The following KMT2C variants were observed in gnomAD, a reference collection of about 807,000 sequenced individuals.
The protein encoded by KMT2C is lysine methyltransferase 2C.
A neutral mutation model predicts 507.9 loss-of-function variants in KMT2C; 88 were observed. That is an observed-to-expected ratio of 0.17 (90% confidence interval 0.15 to 0.21). KMT2C has a LOEUF of 0.21. Ranked by LOEUF, KMT2C falls within the 10% of genes least tolerant of loss-of-function variation. KMT2C has a pLI of 1.00. For missense variants in KMT2C, 4,954 were observed against 5,957.8 expected (o/e 0.83, Z 5.55); for synonymous variants, 2,049 against 2,080.8 (o/e 0.98, Z 0.42).
At chr7:152,420,850 A>C (rs2097773270) in intron 1 of KMT2C, among the ~76,000 whole-genome samples, 1 of 151,878 alleles carries the variant, frequency 6.6e-6, no homozygotes, top group Non-Finnish European at 1.5e-5. Flanking sequence ...AAAAGGCCTA[A>C]TATACAGAAT....
In KMT2C at chr7:152,139,658, G is replaced by C. The variant is rs776127647; in HGVS notation, c.14460+17C>G. On this transcript the variant is annotated intron_variant, in intron 56 of 58. Transcript: ENST00000262189. The stretch of plus-strand genomic sequence containing the variant: ...ATGATGGTGCTGTGTATACAATCTC[G>C]GGGACCAGACACCTACCTGAGACTC... 6.5e-7 allele frequency: 1 copy of C among 1,527,564 alleles called. No individual in the cohort carries two copies. Among genetic ancestry groups the C allele is most frequent in the Non-Finnish European group, 9.1e-7 (1 of 1,101,086 alleles). The allele number at this position is 1,527,564 out of a possible 1,614,324, so 94.6% of individuals were successfully genotyped here. A position where few individuals can be genotyped will look rare whatever the true frequency, so the allele number is the denominator to read the frequency against.
intron 3 of KMT2C, among the ~76,000 whole-genome samples, chr7:152,330,169 TGG>T (rs376494504): frequency 4.6e-3 from 189 of 41,052 alleles, no homozygotes; most frequent in African/African-American, 0.021. Context: ...GGAGGGGTGG[TGG>T]GGGGGGGGAG....
At chr7:152,172,994 C>T (rs550867613) in intron 39 of KMT2C, among the ~76,000 whole-genome samples, 281 of 152,174 alleles carry the variant, frequency 1.8e-3, no homozygotes, top group Middle Eastern at 3.4e-3. Flanking sequence ...AAATTTTCTG[C>T]ATATAAAACA....
chr7:152,175,348 A>G (rs907046949), intron 38 of KMT2C, among the ~76,000 whole-genome samples: 8 of 151,758 alleles, frequency 5.3e-5, no homozygotes, highest in African/African-American at 1.9e-4. Flanking sequence ...TATACTTTAA[A>G]TTCTGGGATA....
intron 7 of KMT2C, among the ~76,000 whole-genome samples, chr7:152,266,508 G>T (rs2095860576): frequency 6.6e-6 from 1 of 152,036 alleles, no homozygotes; most frequent in African/African-American, 2.4e-5. Context: ...ACCTCCCAAA[G>T]TGCTGGGATT....
At chr7:152,355,273 G>T (rs2097142799) in intron 2 of KMT2C, among the ~76,000 whole-genome samples, 1 of 152,080 alleles carries the variant, frequency 6.6e-6, no homozygotes, top group Non-Finnish European at 1.5e-5. Flanking sequence ...TGGAAGAGAG[G>T]GTTTCAGGAT....
chr7:152,175,211 T>C, intron 38 of KMT2C, among the ~76,000 whole-genome samples: 1 of 151,564 alleles, frequency 6.6e-6, no homozygotes, highest in East Asian at 1.9e-4. Flanking sequence ...AATGGTGCGA[T>C]CTCGCCTCAC....
intron 6 of KMT2C, among the ~76,000 whole-genome samples, chr7:152,279,656 T>C (rs920402104): frequency 5.3e-5 from 8 of 152,206 alleles, no homozygotes; most frequent in African/African-American, 1.7e-4. Context: ...CTAGTTGGCA[T>C]ACTATTAAAC....
rs376234163 is a variant in KMT2C, at chr7:152,347,414, C to T, written c.250+11173G>A. On this transcript the variant is annotated intron_variant, in intron 2 of 58. Coordinates refer to ENST00000262189, the MANE Select transcript of KMT2C (RefSeq NM_170606.3). The stretch of plus-strand genomic sequence containing the variant: ...ACTGCACTGAACATGGTGAAAGATA[C>T]ATGAGAAGCGCCAGATCACTTTTTA... Among the ~76,000 whole-genome samples, 63 of 152,306 alleles carry T rather than the reference C, an allele frequency of 4.1e-4. 1 individual carries two copies. The highest frequency in any genetic ancestry group is 1.5e-3 in the African/African-American group (61 of 41,568).
chr7:152,181,208 A>G lies in KMT2C; in HGVS notation c.6652T>C (p.Tyr2218His), dbSNP rs780054902. The G allele has an allele frequency of 1.9e-6, 3 of 1,614,028 alleles. No individual in the cohort carries two copies. The highest frequency in any genetic ancestry group is 1.3e-5 in the African/African-American group (1 of 74,920). Residue 2218 changes from tyrosine to histidine, a missense_variant, in exon 36 of 59, where the codon TAC becomes CAC. Physicochemically the swap from Tyr to His is moderately conservative, Grantham distance 83. Around this residue, in one of 29 missense-constraint regions of KMT2C, gnomAD observed 1,689 missense variants for 1,654.3 expected, o/e 1.02. Coordinates refer to ENST00000262189, the MANE Select transcript of KMT2C (RefSeq NM_170606.3). ...CTTGGTGTTGCTGGTGGCTGAGAGT[A>G]AGGGACAGAAATTCCAGGTCTTGGT... ...GTPRPGISVP[Y>H]SQPPATPRPR...
chr7:152,281,854 C>T (rs1285128161), intron 6 of KMT2C, among the ~76,000 whole-genome samples: 1 of 151,982 alleles, frequency 6.6e-6, no homozygotes, highest in African/African-American at 2.4e-5. Context: ...CTTGTTCAAG[C>T]CCAATGAGTC....
rs556919402 is a variant in KMT2C at position 152,188,491 on chromosome 7, G to C, written c.4661-644C>G. 3.4e-5 allele frequency among the ~76,000 whole-genome samples: 5 copies of C among 146,482 alleles called. No individual in the cohort carries two copies. In the East Asian group the frequency reaches 6.2e-4, roughly 18 times the overall value. On this transcript the variant is annotated intron_variant, in intron 31 of 58. Transcript: ENST00000262189. ...CACTAATGAATCACAGCAAATGCTA[G>C]TAAGTTTTATCAAATATTCTTTCTC...
intron 1 of KMT2C, among the ~76,000 whole-genome samples, chr7:152,374,941 C>T (rs1401888896): frequency 6.6e-6 from 1 of 150,944 alleles, no homozygotes; most frequent in Non-Finnish European, 1.5e-5. Context: ...CATGCAAAAT[C>T]AATTTTTCAG....
intron 24 of KMT2C, among the ~76,000 whole-genome samples, chr7:152,206,273 T>C (rs2094306632): frequency 6.6e-6 from 1 of 151,734 alleles, no homozygotes; most frequent in East Asian, 1.9e-4. Context: ...TTGACTTCCA[T>C]GTGAGGCAGA....
chr7:152,174,611 T>C (rs2093113610), intron 38 of KMT2C, among the ~76,000 whole-genome samples: 1 of 152,214 alleles, frequency 6.6e-6, no homozygotes, highest in South Asian at 2.1e-4. Flanking sequence ...AAATTAGTTA[T>C]CACTCTTAAA....
At chr7:152,369,494 A>T (rs756645054) in intron 1 of KMT2C, among the ~76,000 whole-genome samples, 1 of 152,206 alleles carries the variant, frequency 6.6e-6, no homozygotes, top group African/African-American at 2.4e-5. Flanking sequence ...TATGGTTTGA[A>T]TATCATTTGT....
intron 18 of KMT2C, among the ~76,000 whole-genome samples, chr7:152,225,249 T>C (rs2094891659): frequency 6.6e-6 from 1 of 152,120 alleles, no homozygotes; most frequent in Non-Finnish European, 1.5e-5. Context: ...CTTAAAGATC[T>C]CAAAAGACTA....
chr7:152,300,021 T>C (rs1455103096), intron 6 of KMT2C, among the ~76,000 whole-genome samples: 4 of 152,192 alleles, frequency 2.6e-5, no homozygotes, highest in East Asian at 1.9e-4. Flanking sequence ...TCATTAACAG[T>C]CTCTTTACTC....
chr7:152,213,116 A>G (rs1415468689), intron 23 of KMT2C, among the ~76,000 whole-genome samples: 7 of 152,250 alleles, frequency 4.6e-5, no homozygotes, highest in Non-Finnish European at 8.8e-5. Context: ...GATTGGAAGA[A>G]TATTGTTAAA....
Sources: allele counts gnomAD v4.1 joint callset (sites outside exome capture counted in the v4.1 genomes callset), GRCh38; gene constraint gnomAD v4.1.1; regional missense constraint gnomAD v4.1.1; transcripts MANE v1.5; gene names NCBI Gene and HGNC (gene_info 2026-07-23, HGNC 2026-07-21).